Variants in ADGRF5 observed in about 807,000 individuals in gnomAD.
ADGRF5 encodes the protein adhesion G protein-coupled receptor F5.
Under a neutral mutation model 132.3 loss-of-function variants are expected in ADGRF5, and 75 were observed. That is an observed-to-expected ratio of 0.57 (90% confidence interval 0.47 to 0.69). The LOEUF is 0.69. Ranked by LOEUF, ADGRF5 falls within the 30% of genes least tolerant of loss-of-function variation. The probability of loss-of-function intolerance (pLI) is 0.00; values close to 1 mark genes in which losing one functional copy is unlikely to be tolerated. For missense variants in ADGRF5, 1,516 were observed against 1,630.6 expected, an observed-to-expected ratio of 0.93 and a Z score of 1.21; for synonymous variants, 629 against 597.6, an observed-to-expected ratio of 1.05 and a Z score of -0.77.
chr6:46,861,949 T>C (rs1769795423), intron 15 of ADGRF5, among the ~76,000 whole-genome samples: 1 of 146,770 alleles, frequency 6.8e-6, no homozygotes, highest in Non-Finnish European at 1.5e-5. Context: ...TTCAAGCAGA[T>C]CTTCTTAATT....
Position 46,871,857 on chromosome 6 carries a change from G to A in ADGRF5, c.1397C>T (p.Thr466Ile), listed in dbSNP as rs1001247157. The change falls in exon 11 of 21, where the codon ACA becomes ATA. Residue 466 changes from threonine to isoleucine, a missense_variant. Physicochemically the swap from Thr to Ile is moderately conservative, Grantham distance 89. Coordinates refer to ENST00000283296, the MANE Select transcript of ADGRF5 (RefSeq NM_001098518.2). ...AGAGTCCTTACCCACAGAGATGAAT[G>A]TCACTTTTATGTTTGCACTGCCTCT... is the stretch of plus-strand genomic sequence containing the variant. ...GARGSANIKVTFISVANLTIT... is the reference protein window; with the variant it reads ...GARGSANIKVIFISVANLTIT... 2 of 1,596,884 alleles carry A rather than the reference G, an allele frequency of 1.3e-6. No homozygotes were observed. Among genetic ancestry groups the A allele is most frequent in the African/African-American group, 2.7e-5 (2 of 74,572 alleles).
Position 46,855,988 on chromosome 6 carries a change from A to C in ADGRF5, c.3947T>G (p.Leu1316Trp). Residue 1316 changes from leucine (L) to tryptophan (W), a missense_variant, in exon 20 of 21, where the codon TTG becomes TGG. This residue lies in a region of ADGRF5 where 571 missense variants were observed against 701.2 expected (regional missense o/e 0.81). Coordinates refer to ENST00000283296, the MANE Select transcript of ADGRF5 (RefSeq NM_001098518.2). ...CCACTACTCACCTGTTTTACCAAACAAATTGTTAAATCTCCTTGATATTGG... is the reference window on the plus strand; with the variant it reads ...CCACTACTCACCTGTTTTACCAAACCAATTGTTAAATCTCCTTGATATTGG... ...SSPISRRFNN[L>W]FGKTGTYNVS... 6.3e-7 allele frequency: 1 copy of C among 1,595,326 alleles called. No individual in the cohort carries two copies. The highest frequency in any genetic ancestry group is 8.6e-7 in the Non-Finnish European group (1 of 1,164,866).
chr6:46,917,418 T>C (rs1776514714), intron 1 of ADGRF5, among the ~76,000 whole-genome samples: 1 of 152,196 alleles, frequency 6.6e-6, no homozygotes. Flanking sequence ...GACTCTGAAG[T>C]CAGACTGCCT....
chr6:46,888,293 A>T, intron 4 of ADGRF5, 42 bp downstream of exon 4: 1 of 1,404,894 alleles, frequency 7.1e-7, no homozygotes. Context: ...CTGTCTCAAG[A>T]CATCCAATCA....
chr6:46,916,553 G>A (rs181361162), intron 1 of ADGRF5, among the ~76,000 whole-genome samples: 6 of 152,076 alleles, frequency 3.9e-5, no homozygotes, highest in Non-Finnish European at 7.3e-5. Context: ...TTTGGACATT[G>A]GGCCACTACA....
rs9472906 is a variant in ADGRF5 at position 46,920,415 on chromosome 6, A to G, written c.-25+1298T>C. ...GTTTAGGATAAATCACAAGAACTTG[A>G]CAATGAGAATTTATTGTACTCCTGT... On this transcript the variant is annotated intron_variant, in intron 1 of 20. Coordinates refer to ENST00000283296, the MANE Select transcript of ADGRF5 (RefSeq NM_001098518.2). Among the ~76,000 whole-genome samples, 1,340 of 152,158 alleles carry G rather than the reference A, an allele frequency of 8.8e-3. 19 individuals are homozygous for G. Among genetic ancestry groups the G allele is most frequent in the African/African-American group, 0.03 (1,247 of 41,488 alleles).
intron 3 of ADGRF5, among the ~76,000 whole-genome samples, chr6:46,894,543 A>C (rs1005537068): frequency 6.6e-6 from 1 of 152,178 alleles, no homozygotes; most frequent in African/African-American, 2.4e-5. Flanking sequence ...CTTACACTAC[A>C]AAGCTGTTCC....
rs373210182 is a variant in ADGRF5, at chr6:46,913,205, A to G, written c.-24-6419T>C. Among the ~76,000 whole-genome samples the G allele has an allele frequency of 3.7e-4, 57 of 152,282 alleles. 1 individual carries two copies. The South Asian group carries it at 0.011, about 31-fold the overall frequency. The stretch of plus-strand genomic sequence containing the variant: ...AGGAAACCGGGGAAAGTCAAGTTTT[A>G]AGAAGAAGGGGGCTGGGCCAGGTGT... On this transcript the variant is annotated intron_variant, in intron 1 of 20. Transcript: ENST00000283296.
chr6:46,946,792 G>A (rs775789000), intron 1 of ADGRF5, among the ~76,000 whole-genome samples: 8 of 152,170 alleles, frequency 5.3e-5, no homozygotes, highest in African/African-American at 1.7e-4. Context: ...AGGCACAGCC[G>A]TTTCCTGAGA....
At chr6:46,889,568 GTATA>G (rs765350305) in intron 3 of ADGRF5, among the ~76,000 whole-genome samples, 1,274 of 77,804 alleles carry the variant, frequency 0.016, 25 homozygotes, top group African/African-American at 0.037. Context: ...GTGTGTGTGT[GTATA>G]TATATATATA....
chr6:46,912,621 A>T (rs1338137215), intron 1 of ADGRF5, among the ~76,000 whole-genome samples: 1 of 152,170 alleles, frequency 6.6e-6, no homozygotes, highest in Non-Finnish European at 1.5e-5. Context: ...GTCCTACAGA[A>T]TTCCAACAAT....
At position 46,900,996 on chromosome 6, in the gene ADGRF5, C is replaced by T. The variant is rs148051337; in HGVS notation, c.103-913G>A. 2.4e-4 allele frequency among the ~76,000 whole-genome samples: 36 copies of T among 152,226 alleles called. No homozygotes were observed. In the Middle Eastern group the frequency reaches 0.017, roughly 72 times the overall value. ...GGGATGAATATAGCTTATCTCAGAA[C>T]TTTGATGCGAGGACAAAATGATTAA... is the stretch of plus-strand genomic sequence containing the variant. On this transcript the variant is annotated intron_variant, in intron 2 of 20. Coordinates refer to ENST00000283296, the MANE Select transcript of ADGRF5 (RefSeq NM_001098518.2).
At chr6:46,928,023 G>A (rs1411386493) in intron 1 of ADGRF5, among the ~76,000 whole-genome samples, 1 of 152,140 alleles carries the variant, frequency 6.6e-6, no homozygotes, top group Non-Finnish European at 1.5e-5. Context: ...ATTCTTACCT[G>A]ACTCTAACCA....
chr6:46,924,610 C>T (rs998429223), upstream of ADGRF5, among the ~76,000 whole-genome samples: 3 of 152,190 alleles, frequency 2.0e-5, no homozygotes, highest in African/African-American at 7.2e-5. Flanking sequence ...GACCTCTCAC[C>T]TGAATTCCTG....
At chr6:46,861,711 A>G (rs9349380) in intron 15 of ADGRF5, among the ~76,000 whole-genome samples, 11,922 of 152,276 alleles carry the variant, frequency 0.078, 648 homozygotes, top group East Asian at 0.27. Flanking sequence ...AGTACAAGTC[A>G]TATAACTCAG....
At chr6:46,864,731 A>G (rs1581750194) in intron 14 of ADGRF5, among the ~76,000 whole-genome samples, 2 of 152,022 alleles carry the variant, frequency 1.3e-5, no homozygotes, top group East Asian at 1.9e-4. Context: ...TCACCGTGTT[A>G]GCCAGGATGG....
chr6:46,877,091 G>A (rs1001009304), intron 10 of ADGRF5, among the ~76,000 whole-genome samples: 1 of 152,194 alleles, frequency 6.6e-6, no homozygotes, highest in Non-Finnish European at 1.5e-5. Context: ...GCAGTTTCTA[G>A]GTAAAACACT....
chr6:46,948,959 G>C (rs1016622951), intron 1 of ADGRF5, among the ~76,000 whole-genome samples: 2 of 152,116 alleles, frequency 1.3e-5, no homozygotes, highest in Non-Finnish European at 2.9e-5. Flanking sequence ...AAATTCCCAG[G>C]GCCATGCTTT....
intron 1 of ADGRF5, among the ~76,000 whole-genome samples, chr6:46,946,749 G>A (rs1778317989): frequency 6.6e-6 from 1 of 152,156 alleles, no homozygotes; most frequent in Non-Finnish European, 1.5e-5. Flanking sequence ...AGATTTGGTG[G>A]TGAGAAGGCC....
Sources: allele counts gnomAD v4.1 joint callset (sites outside exome capture counted in the v4.1 genomes callset), GRCh38; gene constraint gnomAD v4.1.1; regional missense constraint gnomAD v4.1.1; transcripts MANE v1.5; gene names NCBI Gene and HGNC (gene_info 2026-07-23, HGNC 2026-07-21).